Variants in SIX2 observed in about 807,000 individuals in gnomAD.
SIX2 encodes homeobox protein SIX2.
SIX2 carries 20 observed loss-of-function variants against 22.8 expected under a neutral mutation model. That is an observed-to-expected ratio of 0.88 (90% CI 0.62 to 1.28). The LOEUF (loss-of-function observed/expected upper bound fraction) is 1.28. Ranked by LOEUF, SIX2 falls within the 50% of genes most tolerant of loss-of-function variation. The pLI is 0.00. For synonymous variants in SIX2, 195 were observed against 186.4 expected (o/e 1.05, Z -0.37); for missense variants, 360 against 400.0 (o/e 0.90, Z 0.85).
Position 45,006,296 on chromosome 2 carries a change from C to G in SIX2, c.750G>C (p.Pro250=). 1.9e-6 allele frequency: 3 copies of G among 1,613,938 alleles called. No individual in the cohort carries two copies. Among genetic ancestry groups the G allele is most frequent in the Non-Finnish European group, 1.7e-6 (2 of 1,179,896 alleles). The change falls in exon 2 of 2, where the codon CCG becomes CCC. Residue 250 remains proline, a synonymous_variant. Transcript: ENST00000303077. The surrounding 1 kb of genome is among the most constrained non-coding windows in gnomAD (Gnocchi z 4.2). ...CCGGCACTGGCACTGCGCTGGGGCC[C>G]GGAGGGTGGCCCAGGCTGTGCAGGG... ...LPSLHSLGHP[P]GPSAVPVPVP...
rs1438561711 is a variant in SIX2 at position 45,005,976 on chromosome 2, G to T, written c.*194C>A. On this transcript the variant is annotated 3_prime_UTR_variant, in exon 2 of 2. Transcript: ENST00000303077. ...CTCCAGCCCCAAAAGGATCCTAAAA[G>T]TAACTTGTTGAAAATAAATCCCAAA... 13 of 685,584 alleles carry T rather than the reference G, an allele frequency of 1.9e-5. No individual in the cohort carries two copies. The highest frequency in any genetic ancestry group is 3.5e-5 in the Non-Finnish European group (13 of 374,428). The allele number at this position is 685,584 out of a possible 1,614,324, so 42.5% of individuals were successfully genotyped here.
intron 1 of SIX2, 65 bp downstream of exon 1, chr2:45,008,486 A>T: frequency 6.5e-7 from 1 of 1,542,842 alleles, no homozygotes. Context: ...GACCGGCAGA[A>T]GCCCTGCGAA....
chr2:45,008,352 C>T (rs1344183366), intron 1 of SIX2, among the ~76,000 whole-genome samples, 199 bp downstream of exon 1: 3 of 152,268 alleles, frequency 2.0e-5, no homozygotes, highest in African/African-American at 7.2e-5. Context: ...TTGCTCTGCC[C>T]GCTTTAGACA....
intron 1 of SIX2, among the ~76,000 whole-genome samples, chr2:45,007,946 C>A (rs1282245997): frequency 6.6e-6 from 1 of 152,276 alleles, no homozygotes; most frequent in African/African-American, 2.4e-5. Context: ...ACAGGGCATG[C>A]GTCTCTTCTC....
Position 45,008,965 on chromosome 2 carries a change from A to G in SIX2, c.146T>C (p.Val49Ala). The G allele has an allele frequency of 6.2e-7, 1 of 1,613,674 alleles. No homozygotes were observed. ...ACEHLHKNES[V>A]LKAKAVVAFH... ...GGCCACCACGGCCTTGGCCTTGAGCACGCTTTCATTCTTGTGAAGGTGCTC... is the reference window on the plus strand; with the variant it reads ...GGCCACCACGGCCTTGGCCTTGAGCGCGCTTTCATTCTTGTGAAGGTGCTC... The change falls in exon 1 of 2, where the codon GTG becomes GCG. Residue 49 changes from valine to alanine, a missense_variant. This residue lies in a region of SIX2 where 118 missense variants were observed against 135.1 expected (regional missense o/e 0.87). Transcript: ENST00000303077.
chr2:45,006,322 A>ACGGCAGCCCAGGGGG lies in SIX2; in HGVS notation c.709_723dup (p.Pro237_Pro241dup), dbSNP rs1476883933. On this transcript the variant is annotated inframe_insertion, in exon 2 of 2. Coordinates refer to ENST00000303077, the MANE Select transcript of SIX2 (RefSeq NM_016932.5). This position sits in a 1 kb window ranked among gnomAD's most constrained non-coding sequence, Gnocchi z 4.2. The stretch of plus-strand genomic sequence containing the variant: ...GGAGGGTGGCCCAGGCTGTGCAGGG[A>ACGGCAGCCCAGGGGG]CGGCAGCCCAGGGGGCGGCGGGCTG... The ACGGCAGCCCAGGGGG allele has an allele frequency of 6.2e-7, 1 of 1,613,912 alleles. No individual in the cohort carries two copies. Among genetic ancestry groups the ACGGCAGCCCAGGGGG allele is most frequent in the South Asian group, 1.1e-5 (1 of 91,074 alleles).
In SIX2 at chr2:45,008,995, G is replaced by C; in HGVS notation, c.116C>G (p.Ala39Gly). The change falls in exon 1 of 2, where the codon GCC becomes GGC. Residue 39 changes from alanine (A) to glycine (G), a missense_variant. By Grantham distance (60) the Ala-to-Gly change is moderately conservative. This residue lies in a region of SIX2 where 118 missense variants were observed against 135.1 expected (regional missense o/e 0.87). Coordinates refer to ENST00000303077, the MANE Select transcript of SIX2 (RefSeq NM_016932.5). Reference sequence around the variant, plus strand: ...TTCATTCTTGTGAAGGTGCTCGCAGGCGGGCAGCGACCACAGGAAGCGGCC... The same window carrying C: ...TTCATTCTTGTGAAGGTGCTCGCAGCCGGGCAGCGACCACAGGAAGCGGCC... The part of the protein sequence containing the change: ...RLGRFLWSLP[A>G]CEHLHKNESV... 6.2e-7 allele frequency: 1 copy of C among 1,612,500 alleles called. No homozygotes were observed. Among genetic ancestry groups the C allele is most frequent in the Non-Finnish European group, 8.5e-7 (1 of 1,179,882 alleles).
In SIX2 at chr2:45,006,352, G is replaced by T. The variant is rs148356487; in HGVS notation, c.694C>A (p.Leu232Ile). 57 of 1,614,120 alleles carry T rather than the reference G, an allele frequency of 3.5e-5. No individual in the cohort carries two copies. The African/African-American group carries it at 6.7e-4, about 19-fold the overall frequency. Residue 232 changes from leucine (L) to isoleucine (I), a missense_variant, in exon 2 of 2, where the codon CTC (leucine) becomes ATC (isoleucine). Leu to Ile is a conservative substitution (Grantham distance 5, BLOSUM62 2). Coordinates refer to ENST00000303077, the MANE Select transcript of SIX2 (RefSeq NM_016932.5). This position sits in a 1 kb window ranked among gnomAD's most constrained non-coding sequence, Gnocchi z 4.2. ...PDHSSSSPAL[L>I]LSPPPPGLPS... ...AGCCCAGGGGGCGGCGGGCTGAGGA[G>T]CAGTGCGGGGCTGGATGATGAGTGG...
In SIX2 at chr2:45,008,940, G is replaced by A. The variant is rs371643533; in HGVS notation, c.171C>T (p.Ala57=). 2.7e-5 allele frequency: 44 copies of A among 1,613,748 alleles called. No homozygotes were observed. The highest frequency in any genetic ancestry group is 3.3e-5 in the Admixed American group (2 of 60,014). Residue 57 remains alanine, a synonymous_variant, in exon 1 of 2, where the codon GCC becomes GCT. Transcript: ENST00000303077. ...GCTCGCGGAAGTTGCCGCGGTGGAA[G>A]GCCACCACGGCCTTGGCCTTGAGCA... The part of the protein sequence containing the change: ...ESVLKAKAVV[A]FHRGNFRELY...
chr2:45,007,307 C>T (rs754472311), intron 1 of SIX2, among the ~76,000 whole-genome samples: 1 of 152,172 alleles, frequency 6.6e-6, no homozygotes, highest in Non-Finnish European at 1.5e-5. Flanking sequence ...TGATCACATG[C>T]CGGTTTGGGT....
At position 45,008,896 on chromosome 2, in the gene SIX2, C is replaced by T; in HGVS notation, c.215G>A (p.Ser72Asn). 1 of 1,614,032 alleles carries T rather than the reference C, an allele frequency of 6.2e-7. No homozygotes were observed. The highest frequency in any genetic ancestry group is 8.5e-7 in the Non-Finnish European group (1 of 1,179,982). Reference sequence around the variant, plus strand: ...GTGGTTGTGCGGCGAGAACTGGTGGCTCTCCAGGATCTTGTAGAGCTCGCG... The same window carrying T: ...GTGGTTGTGCGGCGAGAACTGGTGGTTCTCCAGGATCTTGTAGAGCTCGCG... ...NFRELYKILE[S>N]HQFSPHNHAK... The change falls in exon 1 of 2, where the codon AGC becomes AAC. Residue 72 changes from serine (S) to asparagine (N), a missense_variant. Around this residue, in one of 3 missense-constraint regions of SIX2, gnomAD observed 118 missense variants for 135.1 expected, o/e 0.87. Transcript: ENST00000303077.
At chr2:45,007,308 C>T (rs1469302418) in intron 1 of SIX2, among the ~76,000 whole-genome samples, 4 of 152,282 alleles carry the variant, frequency 2.6e-5, no homozygotes, top group Admixed American at 6.5e-5. Flanking sequence ...GATCACATGC[C>T]GGTTTGGGTG....
chr2:45,008,941 G>C lies in SIX2; in HGVS notation c.170C>G (p.Ala57Gly). The C allele has an allele frequency of 6.2e-7, 1 of 1,613,834 alleles. No individual in the cohort carries two copies. The highest frequency in any genetic ancestry group is 8.5e-7 in the Non-Finnish European group (1 of 1,179,966). ...ESVLKAKAVV[A>G]FHRGNFRELY... is the part of the protein sequence containing the mutation. ...CTCGCGGAAGTTGCCGCGGTGGAAG[G>C]CCACCACGGCCTTGGCCTTGAGCAC... Residue 57 changes from alanine to glycine, a missense_variant, in exon 1 of 2, where the codon GCC (alanine) becomes GGC (glycine). Physicochemically the swap from Ala to Gly is moderately conservative, Grantham distance 60 (BLOSUM62 0). Transcript: ENST00000303077.
chr2:45,008,469 T>C, intron 1 of SIX2, 82 bp downstream of exon 1: 1 of 1,494,670 alleles, frequency 6.7e-7, no homozygotes, highest in Admixed American at 1.7e-5. Flanking sequence ...TTTAGGCCTC[T>C]CCGGGGGACC....
At position 45,006,279 on chromosome 2, in the gene SIX2, G is replaced by A. The variant is rs752002260; in HGVS notation, c.767C>T (p.Pro256Leu). Residue 256 changes from proline (P) to leucine (L), a missense_variant, in exon 2 of 2, where the codon CCA (proline) becomes CTA (leucine). Pro to Leu is a moderately conservative substitution (Grantham distance 98). Around this residue, in one of 3 missense-constraint regions of SIX2, gnomAD observed 235 missense variants for 231.9 expected, o/e 1.01. Transcript: ENST00000303077. The surrounding 1 kb of genome is among the most constrained non-coding windows in gnomAD (Gnocchi z 4.2). ...LGHPPGPSAV[P>L]VPVPGGGGAD... ...TCCACCTCCGCCTGGCACCGGCACT[G>A]GCACTGCGCTGGGGCCCGGAGGGTG... The A allele has an allele frequency of 6.2e-7, 1 of 1,614,152 alleles. No individual in the cohort carries two copies. Among genetic ancestry groups the A allele is most frequent in the East Asian group, 2.2e-5 (1 of 44,882 alleles).
In SIX2 at chr2:45,006,084, C is replaced by A; in HGVS notation, c.*86G>T. The A allele has an allele frequency of 4.8e-6, 7 of 1,451,296 alleles. No individual in the cohort carries two copies. Among genetic ancestry groups the A allele is most frequent in the Non-Finnish European group, 6.8e-6 (7 of 1,031,570 alleles). The allele number at this position is 1,451,296 out of a possible 1,614,324, so 89.9% of individuals were successfully genotyped here. Reference sequence around the variant, plus strand: ...CGGGTCTTTCAGTACCTGGTGGGGCCGCAGGGGCGGGGCGCCCCTGGACAC... The same window carrying A: ...CGGGTCTTTCAGTACCTGGTGGGGCAGCAGGGGCGGGGCGCCCCTGGACAC... On this transcript the variant is annotated 3_prime_UTR_variant, in exon 2 of 2. Coordinates refer to ENST00000303077, the MANE Select transcript of SIX2 (RefSeq NM_016932.5). The surrounding 1 kb of genome is among the most constrained non-coding windows in gnomAD (Gnocchi z 4.2).
chr2:45,008,569 G>T lies in SIX2; in HGVS notation c.542C>A (p.Ala181Glu). 2 of 1,613,782 alleles carry T rather than the reference G, an allele frequency of 1.2e-6. No homozygotes were observed. The highest frequency in any genetic ancestry group is 8.5e-7 in the Non-Finnish European group (1 of 1,179,944). Residue 181 changes from alanine (A) to glutamate (E), a missense_variant, in exon 1 of 2, where the codon GCG becomes GAG. This residue lies in a region of SIX2 where 235 missense variants were observed against 231.9 expected (regional missense o/e 1.01). Transcript: ENST00000303077. The stretch of plus-strand genomic sequence containing the variant: ...CTCGTACCTTTCCTTGGCCTCGGCC[G>T]CCCGGTCGCGCTGCCGCCGGTTCTT... ...WFKNRRQRDR[A>E]AEAKERENNE...
In SIX2 at chr2:45,008,672, G is replaced by A. The variant is rs758383352; in HGVS notation, c.439C>T (p.Pro147Ser). The change falls in exon 1 of 2, where the codon CCC becomes TCC. Residue 147 changes from proline to serine, a missense_variant. By Grantham distance (74) the Pro-to-Ser change is moderately conservative. Around this residue, in one of 3 missense-constraint regions of SIX2, gnomAD observed 235 missense variants for 231.9 expected, o/e 1.01. Coordinates refer to ENST00000303077, the MANE Select transcript of SIX2 (RefSeq NM_016932.5). ...CGCTTCTCGCGGGGTGAAGGGTAGG[G>A]GTTGTGCGCGTACCACTCGCGCAGC... ...SVLREWYAHNPYPSPREKREL... is the reference protein window; with the variant it reads ...SVLREWYAHNSYPSPREKREL... 5 of 1,614,094 alleles carry A rather than the reference G, an allele frequency of 3.1e-6. No individual in the cohort carries two copies. Among genetic ancestry groups the A allele is most frequent in the African/African-American group, 1.3e-5 (1 of 75,070 alleles).
chr2:45,006,518 C>T lies in SIX2; in HGVS notation c.561-33G>A. 1 of 1,600,346 alleles carries T rather than the reference C, an allele frequency of 6.2e-7. No homozygotes were observed. Among genetic ancestry groups the T allele is most frequent in the East Asian group, 2.2e-5 (1 of 44,826 alleles). ...TGCGGGAGCAAAGCAGCGGGGTCAG[C>T]AGGGACATCGAGACCACCCAGCGCC... On this transcript the variant is annotated intron_variant, in intron 1 of 1. Coordinates refer to ENST00000303077, the MANE Select transcript of SIX2 (RefSeq NM_016932.5). This position sits in a 1 kb window ranked among gnomAD's most constrained non-coding sequence, Gnocchi z 4.2.
Sources: gnomAD v4.1 joint callset for allele counts (sites outside exome capture counted in the v4.1 genomes callset) on GRCh38, gnomAD v4.1.1 for gene constraint, gnomAD v4.1.1 regional missense constraint, Gnocchi (gnomAD v3.1) non-coding constraint, MANE v1.5 for transcripts, NCBI Gene and HGNC (gene_info 2026-07-23, HGNC 2026-07-21) for gene names.